Variants in RNLS observed in about 807,000 individuals in gnomAD.
The protein encoded by RNLS is renalase.
RNLS carries 39 observed loss-of-function variants against 39.8 expected under a neutral mutation model. The ratio of observed to expected loss-of-function variants is 0.98; its 90% confidence interval spans 0.76 to 1.28. The LOEUF (loss-of-function observed/expected upper bound fraction) is 1.28, where lower values mean the gene tolerates loss of function less well. Ranked by LOEUF, RNLS falls within the 50% of genes most tolerant of loss-of-function variation. The pLI, the probability that RNLS is intolerant of heterozygous loss-of-function variation, is 0.00. For synonymous variants in RNLS, 147 were observed against 150.7 expected (o/e 0.98, Z 0.18); for missense variants, 410 against 413.3 (o/e 0.99, Z 0.07).
intron 4 of RNLS, among the ~76,000 whole-genome samples, chr10:88,366,604 C>T (rs1850118401): frequency 1.5e-5 from 2 of 137,150 alleles, no homozygotes; most frequent in African/African-American, 2.8e-5. Context: ...CAAACCAAAA[C>T]CTAAGCTGTT....
intron 4 of RNLS, among the ~76,000 whole-genome samples, chr10:88,519,073 A>T (rs933348283): frequency 5.3e-5 from 8 of 152,098 alleles, no homozygotes; most frequent in Admixed American, 5.3e-4. Flanking sequence ...TTTAAAAAGC[A>T]TCTGAGTCCT....
At chr10:88,255,515 G>A in the RNLS span, among the ~76,000 whole-genome samples, 43 of 152,300 alleles carry the variant, frequency 2.8e-4, no homozygotes, top group African/African-American at 9.6e-4. Context: ...GTGATATGGG[G>A]TGTGTAAACT....
chr10:88,523,602 A>T (rs1030712955), intron 4 of RNLS, among the ~76,000 whole-genome samples: 2 of 152,148 alleles, frequency 1.3e-5, no homozygotes, highest in African/African-American at 4.8e-5. Flanking sequence ...AGAACAAAAC[A>T]AAAGATGATT....
At chr10:88,211,072 C>A in the RNLS span, among the ~76,000 whole-genome samples, 1 of 152,134 alleles carries the variant, frequency 6.6e-6, no homozygotes, top group African/African-American at 2.4e-5. Context: ...GAAAGGAAAT[C>A]TTTGACTTCC....
chr10:88,535,655 T>C (rs1847712798), intron 4 of RNLS, among the ~76,000 whole-genome samples: 1 of 151,726 alleles, frequency 6.6e-6, no homozygotes, highest in Non-Finnish European at 1.5e-5. Flanking sequence ...AAATAAACAA[T>C]AATGAGTCCC....
At chr10:88,309,338 T>C (rs917952278) in intron 6 of RNLS, 1 of 1,082,684 alleles carries the variant, frequency 9.2e-7, no homozygotes, top group African/African-American at 1.7e-5. Context: ...AATTAAAATA[T>C]CAATCACCAC....
the RNLS span, among the ~76,000 whole-genome samples, chr10:88,243,056 G>C: frequency 6.6e-6 from 1 of 152,306 alleles, no homozygotes; most frequent in East Asian, 1.9e-4. Flanking sequence ...ATCAGTTTAA[G>C]TCTCATCAGT....
At chr10:88,532,915 A>T (rs2134247383) in intron 4 of RNLS, among the ~76,000 whole-genome samples, 1 of 152,172 alleles carries the variant, frequency 6.6e-6, no homozygotes, top group African/African-American at 2.4e-5. Flanking sequence ...TTAAGAAATG[A>T]AATAATAAGA....
At chr10:88,534,845 C>G (rs1350123532) in intron 4 of RNLS, among the ~76,000 whole-genome samples, 1 of 152,050 alleles carries the variant, frequency 6.6e-6, no homozygotes, top group Non-Finnish European at 1.5e-5. Flanking sequence ...GAGACATTTA[C>G]ATGGACACTA....
rs140111486 is a variant in RNLS at position 88,534,078 on chromosome 10, G to C, written c.526+38825C>G. Reference sequence around the variant, plus strand: ...GAGTTTCAATCCTGATTAGCTAAGGGAAGAAGAAATTTATAAAGAAGGCAC... The same window carrying C: ...GAGTTTCAATCCTGATTAGCTAAGGCAAGAAGAAATTTATAAAGAAGGCAC... On this transcript the variant is annotated intron_variant, in intron 4 of 6. Transcript: ENST00000331772. Among the ~76,000 whole-genome samples, 240 of 152,178 alleles carry C rather than the reference G, an allele frequency of 1.6e-3. 1 individual carries two copies. The highest frequency in any genetic ancestry group is 5.6e-3 in the African/African-American group (232 of 41,542).
intron 4 of RNLS, among the ~76,000 whole-genome samples, chr10:88,497,423 T>A (rs1416824923): frequency 1.3e-5 from 2 of 151,792 alleles, no homozygotes; most frequent in East Asian, 3.9e-4. Context: ...TCCAAATACA[T>A]AAATAAATAA....
the RNLS span, among the ~76,000 whole-genome samples, chr10:88,173,796 T>A: frequency 5.3e-5 from 8 of 151,672 alleles, no homozygotes; most frequent in South Asian, 2.1e-4. Flanking sequence ...GGTCTTTTTT[T>A]AAAAAAAAAT....
At position 88,444,703 on chromosome 10, in the gene RNLS, C is replaced by A. The variant is rs543668453; in HGVS notation, c.527-81978G>T. ...AAGCTTCAGTAGCCGATTCGATCAA[C>A]TGGAAGAAAGGGTGTCAGTGATTGA... On this transcript the variant is annotated intron_variant, in intron 4 of 6. Transcript: ENST00000331772. Among the ~76,000 whole-genome samples the A allele has an allele frequency of 2.9e-3, 442 of 152,216 alleles. 3 individuals carry two copies. The highest frequency in any genetic ancestry group is 7.8e-3 in the African/African-American group (326 of 41,532).
At chr10:88,572,393 T>TG (rs1849888323) in intron 4 of RNLS, among the ~76,000 whole-genome samples, 1 of 152,120 alleles carries the variant, frequency 6.6e-6, no homozygotes, top group Admixed American at 6.5e-5. Flanking sequence ...TATTAAAATT[T>TG]GGCTCTTCTG....
chr10:88,426,099 A>G (rs1854737325), intron 4 of RNLS, among the ~76,000 whole-genome samples: 1 of 152,070 alleles, frequency 6.6e-6, no homozygotes, highest in Non-Finnish European at 1.5e-5. Context: ...AGTTTGTTAT[A>G]TGGCAGTTTA....
intron 4 of RNLS, among the ~76,000 whole-genome samples, chr10:88,393,474 C>A (rs1163347180): frequency 1.3e-5 from 2 of 152,104 alleles, no homozygotes; most frequent in African/African-American, 4.8e-5. Context: ...ACCTAGGAAT[C>A]CAACTTACAA....
In RNLS at chr10:88,437,852, C is replaced by A. The variant is rs183617811; in HGVS notation, c.527-75127G>T. On this transcript the variant is annotated intron_variant, in intron 4 of 6. Coordinates refer to ENST00000331772, the MANE Select transcript of RNLS (RefSeq NM_001031709.3). ...TAAGAAAGAAGCTCAGGAGGCCGGGCGTGGTGGCTCATGCCTGTAATCTCA... is the reference window on the plus strand; with the variant it reads ...TAAGAAAGAAGCTCAGGAGGCCGGGAGTGGTGGCTCATGCCTGTAATCTCA... Among the ~76,000 whole-genome samples, 469 of 152,112 alleles carry A rather than the reference C, an allele frequency of 3.1e-3. 1 individual carries two copies. The highest frequency in any genetic ancestry group is 5.1e-3 in the Non-Finnish European group (350 of 67,992).
intron 4 of RNLS, among the ~76,000 whole-genome samples, chr10:88,364,121 G>T (rs1050296497): frequency 3.3e-5 from 5 of 152,070 alleles, no homozygotes; most frequent in Non-Finnish European, 7.4e-5. Flanking sequence ...GTTTATGTAT[G>T]TACAACATTA....
At chr10:88,222,595 GC>G in the RNLS span, among the ~76,000 whole-genome samples, 1 of 152,114 alleles carries the variant, frequency 6.6e-6, no homozygotes, top group African/African-American at 2.4e-5. Flanking sequence ...CCGGAATATT[GC>G]TTTTTTTATT....
Sources: allele counts gnomAD v4.1 joint callset (sites outside exome capture counted in the v4.1 genomes callset), GRCh38; gene constraint gnomAD v4.1.1; transcripts MANE v1.5; gene names NCBI Gene and HGNC (gene_info 2026-07-23, HGNC 2026-07-21).